CPED1: variants seen among roughly 807,000 people sequenced by gnomAD.
CPED1 encodes the protein cadherin-like and PC-esterase domain-containing protein 1.
A neutral mutation model predicts 128.2 loss-of-function variants in CPED1; 114 were observed. That is an observed-to-expected ratio of 0.89 (90% CI 0.76 to 1.04). CPED1 has a LOEUF of 1.04. CPED1 is among the 50% of genes least tolerant of loss of function. The pLI is 0.00. For missense variants in CPED1, 1,211 were observed against 1,207.1 expected (o/e 1.00, Z -0.05); for synonymous variants, 462 against 426.7 (o/e 1.08, Z -1.02).
At chr7:121,178,423 A>G (rs1056757952) in intron 16 of CPED1, among the ~76,000 whole-genome samples, 1 of 152,040 alleles carries the variant, frequency 6.6e-6, no homozygotes, top group African/African-American at 2.4e-5. Context: ...GTTATGGTGA[A>G]GGGCATTAAC....
intron 6 of CPED1, among the ~76,000 whole-genome samples, chr7:121,099,390 CA>C (rs1794784559): frequency 6.6e-6 from 1 of 152,060 alleles, no homozygotes; most frequent in Admixed American, 6.6e-5. Context: ...TTATTTGAGA[CA>C]AAGTCTTGCT....
intron 11 of CPED1, among the ~76,000 whole-genome samples, chr7:121,129,292 T>TATATATATATATAC (rs1437843345): frequency 8.2e-4 from 1 of 1,224 alleles, no homozygotes; most frequent in Non-Finnish European, 3.6e-3. Context: ...TATATGTATA[T>TATATATATATATAC]ATATATATAT....
At chr7:121,254,846 T>G (rs569469364) in intron 18 of CPED1, among the ~76,000 whole-genome samples, 5 of 150,588 alleles carry the variant, frequency 3.3e-5, no homozygotes, top group Middle Eastern at 3.5e-3. Context: ...CTCCCAAAAT[T>G]GAAAAGGAAG....
Position 121,133,868 on chromosome 7 carries a change from A to C in CPED1, c.1623A>C (p.Pro541=). The change falls in exon 13 of 23, where the codon CCA becomes CCC. Residue 541 remains proline, a synonymous_variant. Transcript: ENST00000310396. ...EDKNIEKPQV[P]FDAIENKKAA... ...AGAACATTGAAAAACCACAAGTGCC[A>C]TTTGATGCAATAGAAAATAAAAAAG... 6.3e-7 allele frequency: 1 copy of C among 1,589,048 alleles called. No homozygotes were observed. The highest frequency in any genetic ancestry group is 1.1e-5 in the South Asian group (1 of 88,666).
chr7:121,200,978 A>T (rs1584592122), intron 16 of CPED1, among the ~76,000 whole-genome samples: 3 of 152,114 alleles, frequency 2.0e-5, no homozygotes. Flanking sequence ...AGAAGGTTAG[A>T]TAGGGCAAGG....
At chr7:121,272,472 T>C (rs1269885513) in intron 22 of CPED1, among the ~76,000 whole-genome samples, 2 of 151,946 alleles carry the variant, frequency 1.3e-5, no homozygotes, top group Admixed American at 1.3e-4. Flanking sequence ...TTGATGGCGG[T>C]AATACCTCTC....
intron 3 of CPED1, among the ~76,000 whole-genome samples, chr7:121,016,233 G>T (rs931576006): frequency 5.9e-5 from 9 of 152,212 alleles, no homozygotes; most frequent in African/African-American, 2.2e-4. Context: ...ATTGTTTCCA[G>T]AAGCCAGCTT....
intron 3 of CPED1, among the ~76,000 whole-genome samples, chr7:121,032,777 G>A (rs1243818779): frequency 6.6e-6 from 1 of 152,064 alleles, no homozygotes; most frequent in African/African-American, 2.4e-5. Flanking sequence ...CAGTTTAATA[G>A]TACTTGGCAT....
chr7:121,003,955 T>C (rs1279476796), intron 2 of CPED1, among the ~76,000 whole-genome samples: 1 of 152,146 alleles, frequency 6.6e-6, no homozygotes, highest in African/African-American at 2.4e-5. Flanking sequence ...GTCTACTTCT[T>C]TTATGTGGAA....
chr7:121,160,291 T>C (rs936736228), intron 16 of CPED1, among the ~76,000 whole-genome samples: 11 of 152,096 alleles, frequency 7.2e-5, no homozygotes, highest in African/African-American at 1.4e-4. Context: ...TGCATGAAGG[T>C]TGTATGAGTA....
At chr7:121,126,676 T>G (rs541771102) in intron 9 of CPED1, among the ~76,000 whole-genome samples, 81 of 152,198 alleles carry the variant, frequency 5.3e-4, no homozygotes, top group South Asian at 3.9e-3. Flanking sequence ...CCAAGATTTC[T>G]CCATAAAAAT....
At position 121,100,045 on chromosome 7, in the gene CPED1, C is replaced by T. The variant is rs772467238; in HGVS notation, c.869C>T (p.Ser290Leu). ...SLTPLRAFIH[S>L]TGTVWNPPKK... is the part of the protein sequence containing the mutation. ...ACCCCTTTGCGTGCATTCATTCATT[C>T]GACGGGCACAGTTTGGAATCCACCA... The change falls in exon 7 of 23, where the codon TCG becomes TTG. Residue 290 changes from serine to leucine, a missense_variant. Coordinates refer to ENST00000310396, the MANE Select transcript of CPED1 (RefSeq NM_024913.5). The T allele has an allele frequency of 2.8e-5, 45 of 1,613,264 alleles. No homozygotes were observed. Among genetic ancestry groups the T allele is most frequent in the Non-Finnish European group, 3.6e-5 (42 of 1,179,742 alleles).
intron 16 of CPED1, among the ~76,000 whole-genome samples, chr7:121,216,110 A>T (rs941901745): frequency 6.6e-6 from 1 of 151,984 alleles, no homozygotes; most frequent in Non-Finnish European, 1.5e-5. Context: ...AACTTTCTAG[A>T]TAGTTAGGTT....
At chr7:121,191,325 C>A (rs925265030) in intron 16 of CPED1, among the ~76,000 whole-genome samples, 2 of 152,038 alleles carry the variant, frequency 1.3e-5, no homozygotes, top group Non-Finnish European at 2.9e-5. Context: ...TAAGCCTACA[C>A]CCTGCAGTCT....
chr7:121,209,947 A>G (rs754909453), intron 16 of CPED1, among the ~76,000 whole-genome samples: 1 of 152,054 alleles, frequency 6.6e-6, no homozygotes. Flanking sequence ...AAAAATGGGC[A>G]AACAACAATA....
At chr7:120,991,055 C>T (rs1191442411) in intron 2 of CPED1, among the ~76,000 whole-genome samples, 1 of 152,190 alleles carries the variant, frequency 6.6e-6, no homozygotes, top group Non-Finnish European at 1.5e-5. Context: ...TGCTTGGTTC[C>T]TACTGCAGGG....
At chr7:121,093,767 G>C (rs1794632631) in intron 5 of CPED1, among the ~76,000 whole-genome samples, 1 of 152,210 alleles carries the variant, frequency 6.6e-6, no homozygotes, top group Admixed American at 6.5e-5. Context: ...CTTTTGCCTG[G>C]TTCTGGAAAC....
At chr7:121,278,916 T>C (rs2116768414) in intron 22 of CPED1, among the ~76,000 whole-genome samples, 1 of 152,262 alleles carries the variant, frequency 6.6e-6, no homozygotes, top group Middle Eastern at 3.4e-3. Context: ...AAACCTAGAA[T>C]GTCAGTGTGA....
At chr7:121,029,659 G>A (rs531854109) in intron 3 of CPED1, among the ~76,000 whole-genome samples, 14 of 152,176 alleles carry the variant, frequency 9.2e-5, no homozygotes, top group Non-Finnish European at 1.3e-4. Context: ...AGCATATTAA[G>A]GTTAATCAGC....
Sources: gnomAD v4.1 joint callset for allele counts (sites outside exome capture counted in the v4.1 genomes callset) on GRCh38, gnomAD v4.1.1 for gene constraint, MANE v1.5 for transcripts, NCBI Gene and HGNC (gene_info 2026-07-23, HGNC 2026-07-21) for gene names.